Variants in DPP10 observed in about 807,000 individuals in gnomAD.
The protein encoded by DPP10 is inactive dipeptidyl peptidase 10.
DPP10 carries 33 observed loss-of-function variants against 120.9 expected under a neutral mutation model. The ratio of observed to expected loss-of-function variants is 0.27; its 90% CI spans 0.21 to 0.37. The LOEUF is 0.37. Among genes scored for constraint, DPP10 ranks in the 10% least tolerant of loss-of-function variants. The pLI, the probability that DPP10 is intolerant of heterozygous loss-of-function variation, is 1.00. For synonymous variants in DPP10, 337 were observed against 326.1 expected, an observed-to-expected ratio of 1.03 and a Z score of -0.36; for missense variants, 816 against 942.8, an observed-to-expected ratio of 0.87 and a Z score of 1.76.
intron 7 of DPP10, among the ~76,000 whole-genome samples, chr2:115,696,908 T>C (rs2091623244): frequency 6.6e-6 from 1 of 152,184 alleles, no homozygotes; most frequent in South Asian, 2.1e-4. Flanking sequence ...ATGTACAATA[T>C]ACAAATATGT....
chr2:115,455,177 G>A (rs1287760588), intron 3 of DPP10, among the ~76,000 whole-genome samples: 1 of 151,770 alleles, frequency 6.6e-6, no homozygotes, highest in Non-Finnish European at 1.5e-5. Context: ...TAAATGGAGA[G>A]ACATTCCATG....
intron 3 of DPP10, among the ~76,000 whole-genome samples, chr2:115,452,787 G>A (rs908226893): frequency 1.3e-5 from 2 of 151,672 alleles, no homozygotes; most frequent in South Asian, 4.1e-4. Context: ...TTCAGGCAAT[G>A]TTCTTTAATA....
intron 13 of DPP10, among the ~76,000 whole-genome samples, chr2:115,771,301 T>G (rs1011080378): frequency 1.7e-4 from 26 of 152,084 alleles, no homozygotes; most frequent in African/African-American, 5.8e-4. Flanking sequence ...CTCGAACTTC[T>G]GACATCAGGT....
chr2:114,848,732 G>T (rs187479548), intron 1 of DPP10, among the ~76,000 whole-genome samples: 16 of 152,294 alleles, frequency 1.1e-4, no homozygotes, highest in Admixed American at 9.2e-4. Context: ...AATTGAGAAG[G>T]TATGTGTTTC....
At chr2:114,899,443 T>C (rs1558859525) in intron 1 of DPP10, among the ~76,000 whole-genome samples, 1 of 152,112 alleles carries the variant, frequency 6.6e-6, no homozygotes, top group Non-Finnish European at 1.5e-5. Context: ...AAGCCCTCCA[T>C]GTGCCCCTTC....
intron 3 of DPP10, among the ~76,000 whole-genome samples, chr2:115,418,868 C>T (rs1317314082): frequency 6.6e-6 from 1 of 151,964 alleles, no homozygotes; most frequent in Non-Finnish European, 1.5e-5. Flanking sequence ...ACAAAGCAGG[C>T]CAACAGGTTG....
intron 5 of DPP10, among the ~76,000 whole-genome samples, chr2:115,550,254 A>G (rs1179731914): frequency 6.6e-6 from 1 of 152,206 alleles, no homozygotes; most frequent in Non-Finnish European, 1.5e-5. Flanking sequence ...AATATGCATG[A>G]AAAATGAAGA....
intron 5 of DPP10, among the ~76,000 whole-genome samples, chr2:115,601,340 G>A (rs186731432): frequency 1.3e-4 from 20 of 152,242 alleles, no homozygotes; most frequent in Middle Eastern, 3.4e-3. Context: ...TTCTTTATGC[G>A]TTTTGTTTCT....
At chr2:115,653,974 C>T (rs1575446158) in intron 5 of DPP10, among the ~76,000 whole-genome samples, 1 of 151,812 alleles carries the variant, frequency 6.6e-6, no homozygotes, top group East Asian at 1.9e-4. Context: ...TTACTCAGTT[C>T]AAATACCAAA....
chr2:115,300,248 A>T (rs894528341), intron 1 of DPP10, among the ~76,000 whole-genome samples: 1 of 151,994 alleles, frequency 6.6e-6, no homozygotes, highest in African/African-American at 2.4e-5. Flanking sequence ...TTCAGCCCCT[A>T]ACAACTACCA....
chr2:114,797,800 G>A (rs1683846458), intron 1 of DPP10, among the ~76,000 whole-genome samples: 1 of 152,154 alleles, frequency 6.6e-6, no homozygotes, highest in African/African-American at 2.4e-5. Context: ...TATAATTCCT[G>A]TGTTCCTTTC....
intron 1 of DPP10, among the ~76,000 whole-genome samples, chr2:114,615,694 T>C (rs1431882022): frequency 1.3e-5 from 2 of 152,202 alleles, no homozygotes; most frequent in Non-Finnish European, 2.9e-5. Context: ...ACCCTTTCAA[T>C]GCGTTATTCT....
chr2:115,829,282 G>A (rs75207109), intron 21 of DPP10, among the ~76,000 whole-genome samples: 3,026 of 152,148 alleles, frequency 0.02, 93 homozygotes, highest in African/African-American at 0.068. Flanking sequence ...TCCTAGCTCC[G>A]TTGGTTGACT....
chr2:115,128,127 C>T (rs1049359639), intron 1 of DPP10, among the ~76,000 whole-genome samples: 11 of 152,100 alleles, frequency 7.2e-5, no homozygotes, highest in African/African-American at 2.7e-4. Context: ...ATCCAAAATG[C>T]AAGGGTCTTT....
chr2:115,007,971 A>C (rs1321623005), intron 1 of DPP10, among the ~76,000 whole-genome samples: 1 of 152,198 alleles, frequency 6.6e-6, no homozygotes, highest in Non-Finnish European at 1.5e-5. Flanking sequence ...ATGGATAGGA[A>C]GAATCAATAT....
At chr2:114,600,019 G>A (rs1692238965) in intron 1 of DPP10, among the ~76,000 whole-genome samples, 1 of 150,918 alleles carries the variant, frequency 6.6e-6, no homozygotes, top group Non-Finnish European at 1.5e-5. Context: ...TTTTTAATGT[G>A]TATTCTGTTT....
At chr2:114,983,497 C>T (rs965092397) in intron 1 of DPP10, among the ~76,000 whole-genome samples, 1 of 151,994 alleles carries the variant, frequency 6.6e-6, no homozygotes, top group Admixed American at 6.6e-5. Flanking sequence ...TACATTTTTC[C>T]ACTTAAAAGT....
intron 2 of DPP10, among the ~76,000 whole-genome samples, chr2:115,323,608 C>G (rs977528458): frequency 4.6e-5 from 7 of 152,154 alleles, no homozygotes; most frequent in Non-Finnish European, 7.4e-5. Context: ...GCAGCCTTAT[C>G]AAATGTAATT....
At chr2:114,485,945 G>T (rs945269975) in intron 1 of DPP10, among the ~76,000 whole-genome samples, 4 of 152,106 alleles carry the variant, frequency 2.6e-5, no homozygotes, top group Admixed American at 2.6e-4. Flanking sequence ...CTCCTACTTT[G>T]TTCCGCACTA....
Sources: allele counts gnomAD v4.1 joint callset (sites outside exome capture counted in the v4.1 genomes callset), GRCh38; gene constraint gnomAD v4.1.1; transcripts MANE v1.5; gene names NCBI Gene and HGNC (gene_info 2026-07-23, HGNC 2026-07-21).